Variants in AIG1 observed in about 807,000 individuals in gnomAD.
AIG1 encodes androgen-induced gene 1 protein.
A neutral mutation model predicts 31.4 loss-of-function variants in AIG1; 23 were observed. The observed-to-expected ratio is 0.73, with a 90% CI of 0.53 to 1.04. The LOEUF is 1.04. Ranked by LOEUF, AIG1 falls within the 50% of genes least tolerant of loss-of-function variation. AIG1 has a pLI of 0.00. For synonymous variants in AIG1, 100 were observed against 110.5 expected (o/e 0.90, Z 0.60); for missense variants, 274 against 295.0 (o/e 0.93, Z 0.52).
chr6:143,131,447 G>A (rs1372973598), intron 1 of AIG1, among the ~76,000 whole-genome samples: 2 of 152,170 alleles, frequency 1.3e-5, no homozygotes, highest in East Asian at 1.9e-4. Context: ...ATCCAGGTGG[G>A]CTTGATTATA....
intron 3 of AIG1, among the ~76,000 whole-genome samples, chr6:143,183,925 A>G (rs958563935): frequency 6.6e-5 from 10 of 152,218 alleles, no homozygotes; most frequent in African/African-American, 2.4e-4. Context: ...GTTTCTTGGC[A>G]GAAGTCCATA....
chr6:143,173,655 C>T (rs1787860898), intron 3 of AIG1, among the ~76,000 whole-genome samples: 1 of 152,162 alleles, frequency 6.6e-6, no homozygotes. Flanking sequence ...AATGATCATT[C>T]AGGAGCAACT....
chr6:143,112,363 A>G (rs1301034276), intron 1 of AIG1, among the ~76,000 whole-genome samples: 1 of 152,198 alleles, frequency 6.6e-6, no homozygotes, highest in Non-Finnish European at 1.5e-5. Flanking sequence ...TGCACACACC[A>G]GTCTGGAATA....
At chr6:143,167,352 G>A (rs964705726) in intron 3 of AIG1, among the ~76,000 whole-genome samples, 1 of 152,160 alleles carries the variant, frequency 6.6e-6, no homozygotes, top group African/African-American at 2.4e-5. Context: ...CAAATTGTGA[G>A]TATTAAAGGG....
chr6:143,237,509 G>A (rs977485840), intron 3 of AIG1, among the ~76,000 whole-genome samples: 6 of 152,224 alleles, frequency 3.9e-5, no homozygotes, highest in South Asian at 2.1e-4. Context: ...ATAAACTCAC[G>A]ATTAAACTTG....
At chr6:143,185,658 A>G (rs929516884) in intron 3 of AIG1, among the ~76,000 whole-genome samples, 4 of 151,986 alleles carry the variant, frequency 2.6e-5, no homozygotes, top group African/African-American at 9.7e-5. Context: ...TTGTTGCTAC[A>G]TTTTTTGGAA....
intron 4 of AIG1, among the ~76,000 whole-genome samples, chr6:143,310,140 T>A (rs1446594001): frequency 6.6e-6 from 1 of 151,948 alleles, no homozygotes; most frequent in East Asian, 1.9e-4. Context: ...ATCAATCAAC[T>A]TGATCTAATT....
chr6:143,249,966 G>A (rs1335154113), intron 3 of AIG1, among the ~76,000 whole-genome samples: 3 of 152,258 alleles, frequency 2.0e-5, no homozygotes, highest in South Asian at 2.1e-4. Flanking sequence ...GACCAGGAAA[G>A]TGGAATACTG....
intron 1 of AIG1, among the ~76,000 whole-genome samples, chr6:143,110,862 C>T (rs527717581): frequency 6.6e-6 from 1 of 152,238 alleles, no homozygotes; most frequent in South Asian, 2.1e-4. Flanking sequence ...TAAACCAATG[C>T]ATATTTTAAG....
In AIG1 at chr6:143,137,563, C is replaced by G. The variant is rs144751707; in HGVS notation, c.297+573C>G. Among the ~76,000 whole-genome samples, 1,242 of 152,156 alleles carry G rather than the reference C, an allele frequency of 8.2e-3. 11 individuals carry two copies. The highest frequency in any genetic ancestry group is 0.012 in the Non-Finnish European group (787 of 67,960). On this transcript the variant is annotated intron_variant, in intron 2 of 5. Transcript: ENST00000357847. ...GAGAGGAGATCAGTATTAGCTCATA[C>G]TTCTTCAGTTACCCAGCTGTGCCAT...
At chr6:143,106,529 A>T (rs1167424604) in intron 1 of AIG1, among the ~76,000 whole-genome samples, 1 of 152,192 alleles carries the variant, frequency 6.6e-6, no homozygotes, top group Non-Finnish European at 1.5e-5. Flanking sequence ...TCCTCATCAC[A>T]TACAGCAGTC....
At chr6:143,090,289 C>T (rs775970744) in intron 1 of AIG1, among the ~76,000 whole-genome samples, 10 of 145,636 alleles carry the variant, frequency 6.9e-5, no homozygotes, top group Non-Finnish European at 1.3e-4. Flanking sequence ...ATCTATCTAT[C>T]TGTCTTTCTA....
chr6:143,148,557 G>A (rs1784901164), intron 2 of AIG1, among the ~76,000 whole-genome samples: 1 of 151,918 alleles, frequency 6.6e-6, no homozygotes, highest in Non-Finnish European at 1.5e-5. Context: ...CAGATGTGGT[G>A]GCTCATGCTT....
chr6:143,308,245 T>C (rs1774954533), intron 4 of AIG1, among the ~76,000 whole-genome samples: 1 of 152,210 alleles, frequency 6.6e-6, no homozygotes. Flanking sequence ...CACTCCATAG[T>C]GAGATGAACC....
At chr6:143,073,092 A>C (rs961498330) in intron 1 of AIG1, among the ~76,000 whole-genome samples, 1 of 151,764 alleles carries the variant, frequency 6.6e-6, no homozygotes, top group Non-Finnish European at 1.5e-5. Context: ...GTATATTTGA[A>C]TTTTTTTTGG....
chr6:143,272,229 C>T (rs940467507), intron 3 of AIG1, among the ~76,000 whole-genome samples: 1 of 152,108 alleles, frequency 6.6e-6, no homozygotes, highest in Non-Finnish European at 1.5e-5. Context: ...ACAGAGCTGA[C>T]CTTATGGAAT....
intron 4 of AIG1, among the ~76,000 whole-genome samples, chr6:143,301,865 T>A (rs1417023146): frequency 6.6e-6 from 1 of 152,212 alleles, no homozygotes; most frequent in East Asian, 1.9e-4. Context: ...AGAATATTGA[T>A]AGTGCTAGTA....
At chr6:143,200,557 G>A (rs185834564) in intron 3 of AIG1, among the ~76,000 whole-genome samples, 30 of 152,094 alleles carry the variant, frequency 2.0e-4, no homozygotes, top group Admixed American at 1.4e-3. Flanking sequence ...TCTTTCAACC[G>A]ACTCTGAATC....
intron 4 of AIG1, among the ~76,000 whole-genome samples, chr6:143,304,454 A>G (rs1440113397): frequency 1.4e-3 from 217 of 152,156 alleles, no homozygotes; most frequent in African/African-American, 5.1e-3. Flanking sequence ...GAATTTTGTC[A>G]AAGGCCTTTT....
Sources: allele counts gnomAD v4.1 joint callset (sites outside exome capture counted in the v4.1 genomes callset), GRCh38; gene constraint gnomAD v4.1.1; transcripts MANE v1.5; gene names NCBI Gene and HGNC (gene_info 2026-07-23, HGNC 2026-07-21).